DPYD: variants seen among roughly 807,000 people sequenced by gnomAD.
DPYD encodes dihydropyrimidine dehydrogenase.
A neutral mutation model predicts 116.2 loss-of-function variants in DPYD; 109 were observed. That is an observed-to-expected ratio of 0.94 (90% CI 0.80 to 1.10). The LOEUF (loss-of-function observed/expected upper bound fraction) is 1.10, where lower values mean the gene tolerates loss of function less well. Ranked by LOEUF, DPYD falls within the 50% of genes least tolerant of loss-of-function variation. DPYD has a pLI of 0.00. For missense variants in DPYD, 1,302 were observed against 1,254.5 expected (o/e 1.04, Z -0.57); for synonymous variants, 440 against 432.0 (o/e 1.02, Z -0.23).
At chr1:97,821,738 A>G (rs1668951037) in intron 3 of DPYD, among the ~76,000 whole-genome samples, 1 of 152,198 alleles carries the variant, frequency 6.6e-6, no homozygotes, top group Admixed American at 6.5e-5. Context: ...GAACTTCTCC[A>G]TTGAATTCCA....
intron 16 of DPYD, among the ~76,000 whole-genome samples, chr1:97,363,386 CAG>C (rs1488235861): frequency 6.6e-6 from 1 of 152,144 alleles, no homozygotes; most frequent in Non-Finnish European, 1.5e-5. Context: ...TTGTGGAAGA[CAG>C]TGTGGCGATT....
At chr1:97,644,256 C>G (rs972561847) in intron 8 of DPYD, among the ~76,000 whole-genome samples, 1 of 152,034 alleles carries the variant, frequency 6.6e-6, no homozygotes, top group Non-Finnish European at 1.5e-5. Flanking sequence ...TCAAGCTTTT[C>G]AATCTCCAAT....
intron 13 of DPYD, among the ~76,000 whole-genome samples, chr1:97,511,228 T>C (rs965132135): frequency 2.6e-5 from 4 of 152,056 alleles, no homozygotes; most frequent in African/African-American, 9.7e-5. Flanking sequence ...CTGAAAACAA[T>C]ACTATCTATC....
intron 16 of DPYD, among the ~76,000 whole-genome samples, chr1:97,319,380 T>C (rs975208556): frequency 3.8e-5 from 5 of 130,450 alleles, no homozygotes; most frequent in Middle Eastern, 4.2e-3. Context: ...ATAGACACAA[T>C]AAAAAATGAT....
intron 16 of DPYD, among the ~76,000 whole-genome samples, chr1:97,327,513 A>G (rs138600963): frequency 6.6e-6 from 1 of 152,094 alleles, no homozygotes; most frequent in East Asian, 1.9e-4. Context: ...AATTACTCAT[A>G]ATGAAACAAC....
chr1:97,491,986 T>A (rs1404230797), intron 13 of DPYD, among the ~76,000 whole-genome samples: 2 of 152,094 alleles, frequency 1.3e-5, no homozygotes, highest in Admixed American at 6.6e-5. Context: ...AGGTTTCCCT[T>A]TTATGTTTCA....
In DPYD at chr1:97,469,397, C is replaced by CAAAAAAAAAAAAAAAAA. The variant is rs59090402; in HGVS notation, c.1741-19191_1741-19175dup. 5.0e-4 allele frequency among the ~76,000 whole-genome samples: 40 copies of CAAAAAAAAAAAAAAAAA among 80,800 alleles called. 1 individual carries two copies. The highest frequency in any genetic ancestry group is 1.2e-3 in the African/African-American group (22 of 18,450). The allele number at this position is 80,800 out of a possible 152,430, so 53.0% of individuals were successfully genotyped here. On this transcript the variant is annotated intron_variant, in intron 13 of 22. Transcript: ENST00000370192. ...ATAGCTCTAAGGGAAGCTAAAATTGCAAAAAAAAAAAAAAAAAAAAAAAAA... is the reference window on the plus strand; with the variant it reads ...ATAGCTCTAAGGGAAGCTAAAATTGCAAAAAAAAAAAAAAAAAAAAAAAAAAAAAAAAAAAAAAAAAA...
intron 3 of DPYD, among the ~76,000 whole-genome samples, chr1:97,813,549 T>C (rs945737784): frequency 1.4e-4 from 21 of 152,224 alleles, no homozygotes; most frequent in African/African-American, 4.1e-4. Flanking sequence ...TTTGTAAACA[T>C]AGCACAGATA....
At chr1:97,317,369 G>A (rs1667919480) in intron 16 of DPYD, among the ~76,000 whole-genome samples, 1 of 151,912 alleles carries the variant, frequency 6.6e-6, no homozygotes, top group African/African-American at 2.4e-5. Context: ...CCTAATCATT[G>A]CTTAGAACAC....
At chr1:97,791,110 CA>C (rs1289821396) in intron 3 of DPYD, among the ~76,000 whole-genome samples, 1 of 152,136 alleles carries the variant, frequency 6.6e-6, no homozygotes, top group East Asian at 1.9e-4. Flanking sequence ...CAGGATTACC[CA>C]CAGTTCTCAA....
chr1:97,845,517 G>A (rs1012131791), intron 2 of DPYD, among the ~76,000 whole-genome samples: 11 of 152,046 alleles, frequency 7.2e-5, no homozygotes, highest in African/African-American at 2.7e-4. Flanking sequence ...AACCACTATG[G>A]GTCTCTCGAG....
chr1:97,131,877 GT>G (rs1653370276), intron 20 of DPYD, among the ~76,000 whole-genome samples: 1 of 151,754 alleles, frequency 6.6e-6, no homozygotes. Context: ...ACCTTTTTTT[GT>G]ATTTTTCACA....
chr1:97,302,916 C>A (rs150894749), intron 18 of DPYD, among the ~76,000 whole-genome samples: 88 of 152,054 alleles, frequency 5.8e-4, no homozygotes, highest in Non-Finnish European at 9.7e-4. Flanking sequence ...CAAATCCAGG[C>A]TACTTATATC....
chr1:97,465,085 AAGG>A (rs1677241900), intron 13 of DPYD, among the ~76,000 whole-genome samples: 1 of 152,220 alleles, frequency 6.6e-6, no homozygotes, highest in Admixed American at 6.5e-5. Context: ...CATGCAGTCA[AAGG>A]AGATCATTTT....
chr1:97,663,510 C>T (rs1659384184), intron 8 of DPYD, among the ~76,000 whole-genome samples: 1 of 152,124 alleles, frequency 6.6e-6, no homozygotes, highest in African/African-American at 2.4e-5. Context: ...ACCTTTGGTC[C>T]TCAATTTTCT....
At chr1:97,428,589 G>A (rs1177324168) in intron 14 of DPYD, among the ~76,000 whole-genome samples, 1 of 151,996 alleles carries the variant, frequency 6.6e-6, no homozygotes, top group African/African-American at 2.4e-5. Flanking sequence ...TCCTATGCTA[G>A]TAGGCAGCTA....
At chr1:97,899,102 T>G (rs1395833588) in intron 1 of DPYD, among the ~76,000 whole-genome samples, 1 of 136,012 alleles carries the variant, frequency 7.4e-6, no homozygotes, top group East Asian at 3.3e-4. Flanking sequence ...TTTTGTTTTG[T>G]TTTTTTTTTT....
chr1:97,392,665 C>T (rs1029273244), intron 14 of DPYD, among the ~76,000 whole-genome samples: 17 of 152,008 alleles, frequency 1.1e-4, no homozygotes, highest in African/African-American at 3.4e-4. Flanking sequence ...ATTTCAACAA[C>T]GTTCACAGCA....
chr1:97,335,883 A>G (rs1669261129), intron 16 of DPYD, among the ~76,000 whole-genome samples: 1 of 152,044 alleles, frequency 6.6e-6, no homozygotes, highest in Admixed American at 6.6e-5. Context: ...CCTCCATCCC[A>G]GTGTTTCAAG....
Sources: allele counts gnomAD v4.1 joint callset (sites outside exome capture counted in the v4.1 genomes callset), GRCh38; gene constraint gnomAD v4.1.1; transcripts MANE v1.5; gene names NCBI Gene and HGNC (gene_info 2026-07-23, HGNC 2026-07-21).